Variants in ADAMTS18 observed in about 807,000 individuals in gnomAD.
ADAMTS18 encodes the protein A disintegrin and metalloproteinase with thrombospondin motifs 18.
Under a neutral mutation model 165.9 loss-of-function variants are expected in ADAMTS18, and 157 were observed. The observed-to-expected ratio is 0.95, with a 90% CI of 0.83 to 1.08. ADAMTS18 has a LOEUF of 1.08. ADAMTS18 is among the 50% of genes least tolerant of loss of function. ADAMTS18 has a pLI of 0.00. For synonymous variants in ADAMTS18, 782 were observed against 578.2 expected (o/e 1.35, Z -5.06); for missense variants, 2,040 against 1,534.0 (o/e 1.33, Z -5.51).
intron 12 of ADAMTS18, among the ~76,000 whole-genome samples, chr16:77,334,745 ACT>A (rs2056269217): frequency 1.7e-5 from 2 of 115,184 alleles, no homozygotes; most frequent in East Asian, 2.5e-4. Context: ...TAGTATATAT[ACT>A]GTATACTATA....
At chr16:77,341,850 C>G in intron 10 of ADAMTS18, 51 bp from the exon 11 acceptor site, 4 of 1,248,868 alleles carry the variant, frequency 3.2e-6, no homozygotes, top group Non-Finnish European at 4.6e-6. Flanking sequence ...ACAATAAAAA[C>G]AAAAATATTC....
At chr16:77,387,126 G>A (rs968666795) in intron 3 of ADAMTS18, among the ~76,000 whole-genome samples, 4 of 152,170 alleles carry the variant, frequency 2.6e-5, no homozygotes, top group African/African-American at 9.7e-5. Flanking sequence ...CGGTTAACTC[G>A]CTACATGTAA....
Position 77,293,128 on chromosome 16 carries a change from C to G in ADAMTS18, c.3137G>C (p.Gly1046Ala), listed in dbSNP as rs893547958. 3.1e-6 allele frequency: 5 copies of G among 1,613,930 alleles called. No individual in the cohort carries two copies. The highest frequency in any genetic ancestry group is 4.2e-6 in the Non-Finnish European group (5 of 1,179,998). The change falls in exon 20 of 23, where the codon GGA becomes GCA. Residue 1046 changes from glycine to alanine, a missense_variant. Transcript: ENST00000282849. ...TAGCCGGCTGTTCTTGGGGCATCGT[C>G]CAAGCACACAGCCCTCCTGCAGCTC... ...RPELQEGCVLGRCPKNSRLQW... is the reference protein window; with the variant it reads ...RPELQEGCVLARCPKNSRLQW...
rs745888861 is a variant in ADAMTS18 at position 77,294,962 on chromosome 16, A to T, written c.2967T>A (p.His989Gln). ...CAAGGCTCCATTGTGGAGGGCAGGC[A>T]TGGCTGTTGCAGGCTTGGACCTGAG... Reference protein sequence around the residue: ...TPTQVQACNSHACPPQWSLGP... With the variant: ...TPTQVQACNSQACPPQWSLGP... The change falls in exon 19 of 23, where the codon CAT (histidine) becomes CAA (glutamine). Residue 989 changes from histidine to glutamine, a missense_variant. Physicochemically the swap from His to Gln is conservative, Grantham distance 24 (BLOSUM62 0). Coordinates refer to ENST00000282849, the MANE Select transcript of ADAMTS18 (RefSeq NM_199355.4). 6.2e-7 allele frequency: 1 copy of T among 1,614,160 alleles called. No homozygotes were observed. Among genetic ancestry groups the T allele is most frequent in the Non-Finnish European group, 8.5e-7 (1 of 1,180,020 alleles).
chr16:77,333,885 G>A (rs1307525797), intron 12 of ADAMTS18, among the ~76,000 whole-genome samples: 12 of 142,972 alleles, frequency 8.4e-5, no homozygotes, highest in African/African-American at 2.3e-4. Flanking sequence ...TAGTATATTA[G>A]TATATTAATA....
At chr16:77,341,614 A>C in intron 11 of ADAMTS18, 90 bp downstream of exon 11, 1 of 1,019,206 alleles carries the variant, frequency 9.8e-7, no homozygotes, top group Non-Finnish European at 1.5e-6. Flanking sequence ...AAACTACCAA[A>C]GCATTCACCC....
In ADAMTS18 at chr16:77,295,036, G is replaced by C. The variant is rs754912994; in HGVS notation, c.2893C>G (p.Gln965Glu). Residue 965 changes from glutamine to glutamate, a missense_variant, in exon 19 of 23, where the codon CAA (glutamine) becomes GAA (glutamate). Gln to Glu is a conservative substitution (Grantham distance 29, BLOSUM62 2). Coordinates refer to ENST00000282849, the MANE Select transcript of ADAMTS18 (RefSeq NM_199355.4). ...KIQCVQKKPFQKEEAVLHSLC... is the reference protein window; with the variant it reads ...KIQCVQKKPFEKEEAVLHSLC... ...GAATGCAACACTGCTTCCTCCTTTTGGAAGGGCTTCTTTTGCACACACTGG... is the reference window on the plus strand; with the variant it reads ...GAATGCAACACTGCTTCCTCCTTTTCGAAGGGCTTCTTTTGCACACACTGG... The C allele has an allele frequency of 1.3e-5, 21 of 1,614,160 alleles. No homozygotes were observed. Among genetic ancestry groups the C allele is most frequent in the Non-Finnish European group, 1.7e-5 (20 of 1,180,030 alleles).
chr16:77,316,245 A>G (rs76508999), intron 16 of ADAMTS18, among the ~76,000 whole-genome samples: 6,005 of 132,974 alleles, frequency 0.045, 162 homozygotes, highest in African/African-American at 0.069. Flanking sequence ...TTATTTACAT[A>G]GCAGCCTGGT....
At chr16:77,323,018 T>C (rs992269054) in intron 13 of ADAMTS18, among the ~76,000 whole-genome samples, 3 of 152,080 alleles carry the variant, frequency 2.0e-5, no homozygotes, top group Non-Finnish European at 4.4e-5. Flanking sequence ...AAAAACCATG[T>C]CATAAAAATG....
intron 19 of ADAMTS18, 149 bp downstream of exon 19, chr16:77,294,774 T>C (rs1000044634): frequency 1.0e-5 from 8 of 775,446 alleles, no homozygotes; most frequent in Non-Finnish European, 1.5e-5. Context: ...CTAAAGAACA[T>C]TAGTTAAAAT....
At chr16:77,328,262 G>A (rs1424906805) in intron 12 of ADAMTS18, among the ~76,000 whole-genome samples, 1 of 152,064 alleles carries the variant, frequency 6.6e-6, no homozygotes, top group African/African-American at 2.4e-5. Context: ...ACAAAGATGT[G>A]GCTTCTTGTC....
At chr16:77,397,594 G>T (rs1160201941) in intron 3 of ADAMTS18, among the ~76,000 whole-genome samples, 1 of 152,120 alleles carries the variant, frequency 6.6e-6, no homozygotes, top group Non-Finnish European at 1.5e-5. Context: ...GAGTAAAACT[G>T]CCCACTATAC....
chr16:77,430,989 G>C (rs758642961), intron 3 of ADAMTS18, among the ~76,000 whole-genome samples: 1 of 152,150 alleles, frequency 6.6e-6, no homozygotes, highest in Non-Finnish European at 1.5e-5. Flanking sequence ...CTGGTCTCCC[G>C]GGACATTACA....
chr16:77,354,798 C>A (rs1318373908), intron 9 of ADAMTS18, among the ~76,000 whole-genome samples: 4 of 152,186 alleles, frequency 2.6e-5, no homozygotes, highest in African/African-American at 7.2e-5. Context: ...ACTACAAAAG[C>A]ATTTAACTAC....
intron 3 of ADAMTS18, among the ~76,000 whole-genome samples, chr16:77,407,075 A>G (rs2057402226): frequency 6.6e-6 from 1 of 152,092 alleles, no homozygotes; most frequent in Admixed American, 6.6e-5. Context: ...CTGCACATAT[A>G]TACCTCCTGA....
At chr16:77,349,108 T>A (rs2144703640) in intron 10 of ADAMTS18, among the ~76,000 whole-genome samples, 1 of 152,308 alleles carries the variant, frequency 6.6e-6, no homozygotes, top group South Asian at 2.1e-4. Context: ...GATTCCATGC[T>A]AGGAAGTTTC....
chr16:77,422,609 G>C (rs765893463), intron 3 of ADAMTS18, among the ~76,000 whole-genome samples: 1 of 151,426 alleles, frequency 6.6e-6, no homozygotes, highest in African/African-American at 2.4e-5. Context: ...AAGAAGAAAG[G>C]AGAGAAAAAA....
At chr16:77,325,475 G>GTCAGTTACTTTTACTTCCTCT (rs1419944527) in intron 13 of ADAMTS18, among the ~76,000 whole-genome samples, 11 of 152,028 alleles carry the variant, frequency 7.2e-5, no homozygotes, top group Non-Finnish European at 1.6e-4. Flanking sequence ...CAACTGACAT[G>GTCAGTTACTTTTACTTCCTCT]TCAGTTACTG....
intron 3 of ADAMTS18, among the ~76,000 whole-genome samples, chr16:77,392,452 C>A (rs1597216451): frequency 1.3e-5 from 2 of 152,150 alleles, no homozygotes; most frequent in African/African-American, 4.8e-5. Flanking sequence ...TGGGTTCACA[C>A]CCTCATTTCC....
Sources: gnomAD v4.1 joint callset for allele counts (sites outside exome capture counted in the v4.1 genomes callset) on GRCh38, gnomAD v4.1.1 for gene constraint, MANE v1.5 for transcripts, NCBI Gene and HGNC (gene_info 2026-07-23, HGNC 2026-07-21) for gene names.